The following ELP4 variants were observed in gnomAD, a reference collection of about 807,000 sequenced individuals.
ELP4 encodes elongator acetyltransferase complex subunit 4.
Under a neutral mutation model 48.9 loss-of-function variants are expected in ELP4, and 51 were observed. The ratio of observed to expected loss-of-function variants is 1.04; its 90% confidence interval spans 0.83 to 1.32. The LOEUF (loss-of-function observed/expected upper bound fraction) is 1.32. Among genes scored for constraint, ELP4 ranks in the 40% most tolerant of loss-of-function variants. The probability of loss-of-function intolerance (pLI) is 0.00; values close to 1 mark genes in which losing one functional copy is unlikely to be tolerated. For missense variants in ELP4, 519 were observed against 514.6 expected, an observed-to-expected ratio of 1.01 and a Z score of -0.08; for synonymous variants, 210 against 189.2, an observed-to-expected ratio of 1.11 and a Z score of -0.90.
At chr11:31,663,206 C>G (rs1249783708) in intron 9 of ELP4, 1 of 151,788 alleles carries the variant, frequency 6.6e-6, no homozygotes, top group Admixed American at 6.6e-5. Context: ...GTACATTTAA[C>G]TTAGAACCTT....
intron 5 of ELP4, among the ~76,000 whole-genome samples, chr11:31,624,289 C>T (rs543498210): frequency 4.0e-5 from 6 of 151,794 alleles, no homozygotes; most frequent in African/African-American, 7.2e-5. Context: ...CACAAATCTA[C>T]GTGGTACAGT....
At chr11:31,697,410 T>G (rs949317032) in intron 9 of ELP4, among the ~76,000 whole-genome samples, 1 of 152,126 alleles carries the variant, frequency 6.6e-6, no homozygotes, top group Admixed American at 6.6e-5. Flanking sequence ...TCTTTTTTGT[T>G]TCTTGGGTTT....
intron 2 of ELP4, among the ~76,000 whole-genome samples, chr11:31,520,638 T>C (rs1956197453): frequency 6.6e-6 from 1 of 152,130 alleles, no homozygotes; most frequent in Non-Finnish European, 1.5e-5. Flanking sequence ...TTGTCAGTTA[T>C]ATAATCAAAG....
chr11:31,641,158 T>C (rs561017827), intron 7 of ELP4, among the ~76,000 whole-genome samples: 10 of 152,136 alleles, frequency 6.6e-5, no homozygotes, highest in African/African-American at 2.4e-4. Context: ...GTACATAATA[T>C]CTGTAAACTC....
intron 9 of ELP4, among the ~76,000 whole-genome samples, chr11:31,728,769 G>T (rs1415211498): frequency 1.3e-5 from 2 of 152,132 alleles, no homozygotes; most frequent in African/African-American, 4.8e-5. Flanking sequence ...GATAGCTAAT[G>T]CATTTCAGGA....
chr11:31,618,287 G>T (rs1215739033), intron 5 of ELP4, among the ~76,000 whole-genome samples: 2 of 152,058 alleles, frequency 1.3e-5, no homozygotes, highest in East Asian at 3.9e-4. Context: ...ATAAACAATA[G>T]AAATTTATTT....
intron 3 of ELP4, among the ~76,000 whole-genome samples, chr11:31,544,183 G>A (rs1016123248): frequency 2.3e-4 from 35 of 152,254 alleles, no homozygotes; most frequent in Admixed American, 1.7e-3. Flanking sequence ...TGCGCAAGCC[G>A]AAGCAGGGCG....
intron 9 of ELP4, among the ~76,000 whole-genome samples, chr11:31,768,279 T>G (rs989816499): frequency 9.2e-5 from 14 of 152,236 alleles, no homozygotes; most frequent in African/African-American, 1.7e-4. Context: ...CAAATAATAC[T>G]AATTAATATC....
chr11:31,625,975 A>AT (rs1227153949), intron 5 of ELP4, among the ~76,000 whole-genome samples: 1 of 151,622 alleles, frequency 6.6e-6, no homozygotes, highest in Non-Finnish European at 1.5e-5. Context: ...AAAGTACCAA[A>AT]TTTTTCATTA....
In ELP4 at chr11:31,539,741, G is replaced by C; in HGVS notation, c.339G>C (p.Leu113Phe). 6.2e-7 allele frequency: 1 copy of C among 1,611,714 alleles called. No homozygotes were observed. The highest frequency in any genetic ancestry group is 8.5e-7 in the Non-Finnish European group (1 of 1,178,900). ...LAEGIVNGHTLLVASAKEDPA... is the reference protein window; with the variant it reads ...LAEGIVNGHTFLVASAKEDPA... The stretch of plus-strand genomic sequence containing the variant: ...AAGGAATTGTCAATGGGCATACTTT[G>C]TTGGTTGCATCTGCTAAAGAGGATC... The change falls in exon 3 of 10, where the codon TTG becomes TTC. Residue 113 changes from leucine (L) to phenylalanine (F), a missense_variant. Transcript: ENST00000640961.
chr11:31,540,998 A>G (rs1956582042), intron 3 of ELP4, among the ~76,000 whole-genome samples: 1 of 152,218 alleles, frequency 6.6e-6, no homozygotes, highest in Admixed American at 6.5e-5. Context: ...TTTGTCCATA[A>G]CAGAATCCTA....
intron 5 of ELP4, among the ~76,000 whole-genome samples, chr11:31,611,709 T>C (rs1413552605): frequency 6.6e-6 from 1 of 152,240 alleles, no homozygotes; most frequent in Admixed American, 6.5e-5. Context: ...TGCTAAGTTC[T>C]AGATTATTGT....
chr11:31,707,379 A>G (rs968189811), intron 9 of ELP4: 2 of 177,338 alleles, frequency 1.1e-5, no homozygotes, highest in Non-Finnish European at 1.2e-5. Context: ...TATAACGTAT[A>G]CAAAAAATAC....
At chr11:31,532,735 CAG>C (rs932453190) in intron 2 of ELP4, among the ~76,000 whole-genome samples, 1 of 148,156 alleles carries the variant, frequency 6.7e-6, no homozygotes, top group African/African-American at 2.5e-5. Flanking sequence ...TTTATGTTCT[CAG>C]GGTGTACAAG....
At chr11:31,681,385 T>C (rs1448371635) in intron 9 of ELP4, among the ~76,000 whole-genome samples, 3 of 152,182 alleles carry the variant, frequency 2.0e-5, no homozygotes, top group African/African-American at 7.2e-5. Context: ...TAAAGTATGC[T>C]TAGTCTAAAT....
At chr11:31,696,645 A>G (rs1304615530) in intron 9 of ELP4, among the ~76,000 whole-genome samples, 1 of 152,124 alleles carries the variant, frequency 6.6e-6, no homozygotes, top group East Asian at 1.9e-4. Flanking sequence ...CTGCCCTACA[A>G]GAGCTTCTGA....
Position 31,786,369 on chromosome 11 carries a change from T to C in ELP4, c.*2845T>C, listed in dbSNP as rs1006923180. 17 of 212,038 alleles carry C rather than the reference T, an allele frequency of 8.0e-5. No individual in the cohort carries two copies. The highest frequency in any genetic ancestry group is 1.5e-4 in the Non-Finnish European group (16 of 104,650). 13.1% of individuals were successfully genotyped at this position (212,038 alleles called of 1,614,324 possible). ...CCGTCAACATTATTGAAATAAGCAG[T>C]ACTAACCCTAAGTACTTACACTTTG... On this transcript the variant is annotated 3_prime_UTR_variant, in exon 10 of 10. Coordinates refer to ENST00000640961, the MANE Select transcript of ELP4 (RefSeq NM_019040.5).
At chr11:31,627,528 A>G (rs1944771056) in intron 6 of ELP4, among the ~76,000 whole-genome samples, 1 of 152,024 alleles carries the variant, frequency 6.6e-6, no homozygotes. Flanking sequence ...TTTCTATTTA[A>G]ATTGTTCCTG....
chr11:31,625,272 A>G (rs935475068), intron 5 of ELP4, among the ~76,000 whole-genome samples: 1 of 151,772 alleles, frequency 6.6e-6, no homozygotes, highest in Non-Finnish European at 1.5e-5. Context: ...TACGTGGTCC[A>G]TCATTGACCA....
Sources: gnomAD v4.1 joint callset for allele counts (sites outside exome capture counted in the v4.1 genomes callset) on GRCh38, gnomAD v4.1.1 for gene constraint, MANE v1.5 for transcripts, NCBI Gene and HGNC (gene_info 2026-07-23, HGNC 2026-07-21) for gene names.